The following KIAA2012 variants were observed in gnomAD, a reference collection of about 807,000 sequenced individuals.
KIAA2012 encodes the protein uncharacterized protein KIAA2012.
In KIAA2012, 125 loss-of-function variants were observed where a neutral mutation model predicts 150.6. The observed-to-expected ratio is 0.83, with a 90% CI of 0.72 to 0.96. The LOEUF (loss-of-function observed/expected upper bound fraction) is 0.96. Among genes scored for constraint, KIAA2012 ranks in the 40% least tolerant of loss-of-function variants. The probability of loss-of-function intolerance (pLI) is 0.00; values close to 1 mark genes in which losing one functional copy is unlikely to be tolerated. For missense variants in KIAA2012, 1,219 were observed against 1,354.9 expected, an observed-to-expected ratio of 0.90 and a Z score of 1.57; for synonymous variants, 462 against 504.7, an observed-to-expected ratio of 0.92 and a Z score of 1.13.
intron 21 of KIAA2012, among the ~76,000 whole-genome samples, chr2:202,195,796 G>A (rs1257165451): frequency 1.3e-5 from 2 of 152,002 alleles, no homozygotes; most frequent in Non-Finnish European, 2.9e-5. Context: ...TTCTATGCCT[G>A]GCTTATTTCA....
chr2:202,125,337 A>C, intron 12 of KIAA2012, 55 bp downstream of exon 12: 1 of 1,358,048 alleles, frequency 7.4e-7, no homozygotes, highest in East Asian at 2.5e-5. Context: ...TTGACTCATG[A>C]TCATATTATT....
chr2:202,146,202 AT>A (rs1691290616), intron 13 of KIAA2012, among the ~76,000 whole-genome samples: 1 of 152,186 alleles, frequency 6.6e-6, no homozygotes, highest in African/African-American at 2.4e-5. Context: ...ATAAAGCTGC[AT>A]TTAAATCCCA....
intron 19 of KIAA2012, among the ~76,000 whole-genome samples, chr2:202,191,149 C>T (rs540605329): frequency 8.5e-5 from 13 of 152,086 alleles, no homozygotes; most frequent in Non-Finnish European, 1.3e-4. Flanking sequence ...CAGTGGTGCA[C>T]GCCTGTAATC....
chr2:202,077,155 C>G, intron 2 of KIAA2012: 1 of 419,368 alleles, frequency 2.4e-6, no homozygotes, highest in Non-Finnish European at 4.8e-6. Flanking sequence ...TGCTGGCTTC[C>G]TGATGTTACT....
At chr2:202,131,722 T>C (rs1356564763) in intron 12 of KIAA2012, among the ~76,000 whole-genome samples, 2 of 152,148 alleles carry the variant, frequency 1.3e-5, no homozygotes, top group African/African-American at 4.8e-5. Context: ...AAAGAAAGGA[T>C]GCTCTAGGAG....
chr2:202,177,244 A>G lies in KIAA2012; in HGVS notation c.2120-7509A>G, dbSNP rs143006440. On this transcript the variant is annotated intron_variant, in intron 15 of 23. Coordinates refer to ENST00000498697, the MANE Select transcript of KIAA2012 (RefSeq NM_001277372.4). Reference sequence around the variant, plus strand: ...ATTTATGTAAAGTTTTAATTTGTAAAAAATACTATATATTGTTTACATGTG... The same window carrying G: ...ATTTATGTAAAGTTTTAATTTGTAAGAAATACTATATATTGTTTACATGTG... 3.2e-4 allele frequency among the ~76,000 whole-genome samples: 49 copies of G among 152,330 alleles called. 1 individual carries two copies. The highest frequency in any genetic ancestry group is 7.2e-4 in the Admixed American group (11 of 15,304).
intron 13 of KIAA2012, among the ~76,000 whole-genome samples, chr2:202,150,488 G>A (rs751719930): frequency 3.3e-5 from 5 of 150,928 alleles, no homozygotes; most frequent in Non-Finnish European, 7.4e-5. Flanking sequence ...TCGCTCTGTC[G>A]CCGAGGCTGG....
Position 202,105,924 on chromosome 2 carries a change from C to CA in KIAA2012, c.1474+14_1474+15insA. The CA allele has an allele frequency of 6.4e-7, 1 of 1,550,870 alleles. No homozygotes were observed. The highest frequency in any genetic ancestry group is 8.7e-7 in the Non-Finnish European group (1 of 1,147,060). ...TCTCACCTCAAGGTAGCTCCTCCCT[C>CA]CCTCCAGCATCCCTCGGGAACCTCA... On this transcript the variant is annotated intron_variant, in intron 9 of 23. Coordinates refer to ENST00000498697, the MANE Select transcript of KIAA2012 (RefSeq NM_001277372.4).
intron 9 of KIAA2012, among the ~76,000 whole-genome samples, chr2:202,106,704 T>A (rs75945858): frequency 1.1e-3 from 78 of 68,176 alleles, no homozygotes; most frequent in Middle Eastern, 7.5e-3. Flanking sequence ...AAAAAAAAAA[T>A]TTTTTTTAAA....
chr2:202,118,549 G>A (rs1415131052), intron 11 of KIAA2012, among the ~76,000 whole-genome samples: 2 of 152,180 alleles, frequency 1.3e-5, no homozygotes, highest in African/African-American at 4.8e-5. Flanking sequence ...ATGATAAGAG[G>A]CAGTTACTGT....
chr2:202,199,773 C>T (rs1223917178), intron 22 of KIAA2012, among the ~76,000 whole-genome samples: 2 of 152,116 alleles, frequency 1.3e-5, no homozygotes, highest in Non-Finnish European at 2.9e-5. Context: ...TTAACCCACT[C>T]CAGGAATTTT....
chr2:202,103,156 G>C, intron 8 of KIAA2012, 42 bp downstream of exon 8: 1 of 1,538,166 alleles, frequency 6.5e-7, no homozygotes, highest in Non-Finnish European at 8.8e-7. Flanking sequence ...GAGAGCCTGG[G>C]ATGGGGGGTC....
intron 19 of KIAA2012, among the ~76,000 whole-genome samples, chr2:202,190,700 G>A (rs1259270271): frequency 6.6e-6 from 1 of 152,166 alleles, no homozygotes; most frequent in Non-Finnish European, 1.5e-5. Flanking sequence ...CCCCTCTGAA[G>A]TGGTGATGCA....
intron 2 of KIAA2012, among the ~76,000 whole-genome samples, chr2:202,079,391 C>T (rs7564315): frequency 0.17 from 25,296 of 152,152 alleles, 3,076 homozygotes; most frequent in African/African-American, 0.32. Flanking sequence ...AGTAATAGTG[C>T]TGCTCACGGA....
At chr2:202,201,436 G>A in intron 22 of KIAA2012, 1 of 1,593,218 alleles carries the variant, frequency 6.3e-7, no homozygotes, top group Admixed American at 1.7e-5. Flanking sequence ...CCCTTCCACT[G>A]AGTTACGAGG....
At chr2:202,187,230 C>T (rs1207365743) in intron 17 of KIAA2012, 132 bp downstream of exon 17, 3 of 976,130 alleles carry the variant, frequency 3.1e-6, no homozygotes, top group East Asian at 2.6e-5. Context: ...CACTGAGGTC[C>T]AGCCTGTGGT....
intron 19 of KIAA2012, among the ~76,000 whole-genome samples, chr2:202,192,919 A>G (rs373748177): frequency 9.8e-5 from 15 of 152,316 alleles, no homozygotes; most frequent in African/African-American, 3.6e-4. Flanking sequence ...CCCAGCCACA[A>G]GTAATTTTTG....
intron 10 of KIAA2012, among the ~76,000 whole-genome samples, 179 bp from the exon 11 acceptor site, chr2:202,113,157 A>G (rs559236459): frequency 3.0e-4 from 45 of 152,256 alleles, no homozygotes; most frequent in African/African-American, 1.0e-3. Flanking sequence ...GGCCTGAACA[A>G]TAGCCCTGCT....
chr2:202,099,622 A>G lies in KIAA2012; in HGVS notation c.838A>G (p.Ile280Val), dbSNP rs1480474152. The G allele has an allele frequency of 1.9e-6, 3 of 1,549,816 alleles. No individual in the cohort carries two copies. The highest frequency in any genetic ancestry group is 1.4e-5 in the African/African-American group (1 of 73,038). ...ATCTGTCGTTCCCTAGGACACGTCA[A>G]TAGAGAATCACCTTTGTTTATATGC... ...EDETQAEDTS[I>V]ENHLCLYASK... Residue 280 changes from isoleucine to valine, a missense_variant, in exon 6 of 24, where the codon ATA (isoleucine) becomes GTA (valine). Coordinates refer to ENST00000498697, the MANE Select transcript of KIAA2012 (RefSeq NM_001277372.4).
Sources: gnomAD v4.1 joint callset for allele counts (sites outside exome capture counted in the v4.1 genomes callset) on GRCh38, gnomAD v4.1.1 for gene constraint, MANE v1.5 for transcripts, NCBI Gene and HGNC (gene_info 2026-07-23, HGNC 2026-07-21) for gene names.